Variants in DNAAF5 observed in about 807,000 individuals in gnomAD.
DNAAF5 encodes the protein dynein axonemal assembly factor 5, also known as HEAT repeat containing 2.
In DNAAF5, 64 loss-of-function variants were observed where a neutral mutation model predicts 75.8. That is an observed-to-expected ratio of 0.84 (90% CI 0.69 to 1.04). The LOEUF (loss-of-function observed/expected upper bound fraction) is 1.04. Among genes scored for constraint, DNAAF5 ranks in the 50% least tolerant of loss-of-function variants. DNAAF5 has a pLI of 0.00. For missense variants in DNAAF5, 1,269 were observed against 1,178.5 expected (o/e 1.08, Z -1.12); for synonymous variants, 657 against 557.2 (o/e 1.18, Z -2.52).
At chr7:784,164 C>T (rs1779074459) in intron 12 of DNAAF5, among the ~76,000 whole-genome samples, 2 of 152,184 alleles carry the variant, frequency 1.3e-5, no homozygotes, top group Admixed American at 6.5e-5. Context: ...CAGCGCCAGG[C>T]ACAGCTGGCG....
At chr7:753,114 G>A (rs1272718282) in intron 4 of DNAAF5, among the ~76,000 whole-genome samples, 1 of 152,238 alleles carries the variant, frequency 6.6e-6, no homozygotes, top group African/African-American at 2.4e-5. Context: ...GAAAATGGTT[G>A]GACAGTTTCT....
Position 785,721 on chromosome 7 carries a change from C to T in DNAAF5, c.*68C>T. The T allele has an allele frequency of 6.4e-7, 1 of 1,565,840 alleles. No individual in the cohort carries two copies. Among genetic ancestry groups the T allele is most frequent in the Non-Finnish European group, 8.7e-7 (1 of 1,152,046 alleles). On this transcript the variant is annotated 3_prime_UTR_variant, in exon 13 of 13. Transcript: ENST00000297440. ...GCCAGAGTTTGTGGCCTTTAAATCT[C>T]ATAAACAAGGCACCTCTGTGCCAGC...
At chr7:768,000 C>T (rs529089009) in intron 8 of DNAAF5, among the ~76,000 whole-genome samples, 1 of 150,654 alleles carries the variant, frequency 6.6e-6, no homozygotes, top group South Asian at 2.1e-4. Flanking sequence ...GACACGTGGC[C>T]CGGGCGGAAG....
chr7:745,339 CGGG>C (rs1220992585), intron 4 of DNAAF5, among the ~76,000 whole-genome samples: 1 of 152,052 alleles, frequency 6.6e-6, no homozygotes, highest in Non-Finnish European at 1.5e-5. Flanking sequence ...GAGAGGGAGG[CGGG>C]GGGTCGGGGG....
At chr7:769,042 T>G in intron 8 of DNAAF5, 1 of 649,340 alleles carries the variant, frequency 1.5e-6, no homozygotes. Context: ...CACCAGCTGG[T>G]CTCACCGCGA....
chr7:774,438 C>G (rs1045569316), intron 10 of DNAAF5, among the ~76,000 whole-genome samples: 1 of 152,184 alleles, frequency 6.6e-6, no homozygotes, highest in Admixed American at 6.5e-5. Context: ...CCAGCCCGGT[C>G]GTGCTGCGGG....
Position 740,882 on chromosome 7 carries a change from T to A in DNAAF5, c.844T>A (p.Phe282Ile), listed in dbSNP as rs1381485908. The change falls in exon 3 of 13, where the codon TTC becomes ATC. Residue 282 changes from phenylalanine to isoleucine, a missense_variant. By Grantham distance (21) the Phe-to-Ile change is conservative (BLOSUM62 0). Coordinates refer to ENST00000297440, the MANE Select transcript of DNAAF5 (RefSeq NM_017802.4). Reference protein sequence around the residue: ...WLLCLRDRYSFFHKLIPLLLS... With the variant: ...WLLCLRDRYSIFHKLIPLLLS... ...GCTGTGTCTGCGTGACCGTTACTCC[T>A]TCTTCCACAAGCTCATCCCTCTGCT... 6.2e-7 allele frequency: 1 copy of A among 1,614,032 alleles called. No individual in the cohort carries two copies. Among genetic ancestry groups the A allele is most frequent in the Non-Finnish European group, 8.5e-7 (1 of 1,180,026 alleles).
rs4719261 is a variant in DNAAF5, at chr7:770,283, T to C, written c.1784-188T>C. ...GTTTTCATATGGAAAAACGTGATTTTGGGGGGTTAAAATTTTCTGCTGCTT... is the reference window on the plus strand; with the variant it reads ...GTTTTCATATGGAAAAACGTGATTTCGGGGGGTTAAAATTTTCTGCTGCTT... On this transcript the variant is annotated intron_variant, in intron 8 of 12. Transcript: ENST00000297440. Among the ~76,000 whole-genome samples, 66,019 of 151,966 alleles carry C rather than the reference T, an allele frequency of 0.43. 14,688 individuals are homozygous for C. The highest frequency in any genetic ancestry group is 0.47 in the Non-Finnish European group (31,915 of 67,938).
chr7:779,177 A>G (rs2128086198), intron 11 of DNAAF5, among the ~76,000 whole-genome samples: 1 of 152,232 alleles, frequency 6.6e-6, no homozygotes, highest in East Asian at 1.9e-4. Flanking sequence ...CCACATTGCA[A>G]AAGCATCAGA....
chr7:784,743 C>T (rs1779095538), intron 12 of DNAAF5, among the ~76,000 whole-genome samples: 1 of 152,212 alleles, frequency 6.6e-6, no homozygotes, highest in Non-Finnish European at 1.5e-5. Context: ...GAATTGGCAT[C>T]CGCAAATTGG....
intron 9 of DNAAF5, chr7:772,309 C>T (rs751698028): frequency 4.6e-5 from 7 of 152,220 alleles, no homozygotes; most frequent in Admixed American, 2.6e-4. Context: ...ATCCCTAATC[C>T]GAACTTCAGA....
chr7:750,039 G>C (rs1352084067), intron 4 of DNAAF5, among the ~76,000 whole-genome samples: 1 of 152,218 alleles, frequency 6.6e-6, no homozygotes, highest in Admixed American at 6.5e-5. Context: ...ACAGGCTTCA[G>C]AACCATGTTC....
At chr7:747,585 C>A (rs1281691564) in intron 4 of DNAAF5, among the ~76,000 whole-genome samples, 1 of 149,678 alleles carries the variant, frequency 6.7e-6, no homozygotes. Flanking sequence ...AGTGTTGTCA[C>A]ACAGGGTTGG....
intron 12 of DNAAF5, among the ~76,000 whole-genome samples, chr7:782,993 C>T (rs1779025158): frequency 6.6e-6 from 1 of 152,278 alleles, no homozygotes; most frequent in Admixed American, 6.5e-5. Flanking sequence ...AGAAACTCTC[C>T]TGCGTGGGCA....
At position 775,775 on chromosome 7, in the gene DNAAF5, C is replaced by T. The variant is rs577833750; in HGVS notation, c.2239+613C>T. On this transcript the variant is annotated intron_variant, in intron 11 of 12. Coordinates refer to ENST00000297440, the MANE Select transcript of DNAAF5 (RefSeq NM_017802.4). Reference sequence around the variant, plus strand: ...CCTCGTGAAGGAAGCGTCGTGTGGACGTTGCGTTCTGCCTTAAAACAACGT... The same window carrying T: ...CCTCGTGAAGGAAGCGTCGTGTGGATGTTGCGTTCTGCCTTAAAACAACGT... 1.1e-3 allele frequency among the ~76,000 whole-genome samples: 163 copies of T among 151,518 alleles called. 1 individual carries two copies. Among genetic ancestry groups the T allele is most frequent in the African/African-American group, 3.5e-3 (145 of 41,250 alleles).
In DNAAF5 at chr7:726,728, C is replaced by T; in HGVS notation, c.8C>T (p.Ala3Val). The change falls in exon 1 of 13, where the codon GCG becomes GTG. Residue 3 changes from alanine to valine, a missense_variant. By Grantham distance (64) the Ala-to-Val change is moderately conservative (BLOSUM62 0). Transcript: ENST00000297440. The stretch of plus-strand genomic sequence containing the variant: ...ACCGGCGACGCGGGCAAGATGGCGG[C>T]GCTGGGGGTGGCGGAGGCCGTGGCG... MA[A>V]LGVAEAVAAP... is the part of the protein sequence containing the mutation. The T allele has an allele frequency of 8.1e-7, 1 of 1,240,312 alleles. No homozygotes were observed. Among genetic ancestry groups the T allele is most frequent in the Non-Finnish European group, 1.0e-6 (1 of 993,130 alleles). 76.8% of individuals were successfully genotyped at this position (1,240,312 alleles called of 1,614,324 possible).
At chr7:782,151 C>T (rs1348748218) in intron 12 of DNAAF5, among the ~76,000 whole-genome samples, 4 of 152,116 alleles carry the variant, frequency 2.6e-5, no homozygotes, top group Non-Finnish European at 2.9e-5. Flanking sequence ...GTCAGAAACT[C>T]GGATCTTCGC....
At chr7:735,924 C>T (rs1303969847) in intron 2 of DNAAF5, among the ~76,000 whole-genome samples, 2 of 152,098 alleles carry the variant, frequency 1.3e-5, no homozygotes, top group Non-Finnish European at 2.9e-5. Flanking sequence ...TATACACTTG[C>T]CTCTTAGTGC....
At chr7:780,338 C>T (rs916660973) in intron 12 of DNAAF5, among the ~76,000 whole-genome samples, 194 bp downstream of exon 12, 59 of 152,342 alleles carry the variant, frequency 3.9e-4, no homozygotes, top group African/African-American at 1.3e-3. Context: ...GCTGACATTT[C>T]CTCTAACAGA....
Sources: allele counts gnomAD v4.1 joint callset (sites outside exome capture counted in the v4.1 genomes callset), GRCh38; gene constraint gnomAD v4.1.1; transcripts MANE v1.5; gene names NCBI Gene and HGNC (gene_info 2026-07-23, HGNC 2026-07-21).